CUL9: variants seen among roughly 807,000 people sequenced by gnomAD.
CUL9 encodes cullin-9.
CUL9 carries 79 observed loss-of-function variants against 272.6 expected under a neutral mutation model. The observed-to-expected ratio is 0.29, with a 90% CI of 0.24 to 0.35. CUL9 has a LOEUF of 0.35. Ranked by LOEUF, CUL9 falls within the 10% of genes least tolerant of loss-of-function variation. CUL9 has a pLI of 1.00. For synonymous variants in CUL9, 1,186 were observed against 1,286.5 expected, an observed-to-expected ratio of 0.92 and a Z score of 1.67; for missense variants, 2,532 against 3,255.6, an observed-to-expected ratio of 0.78 and a Z score of 5.41.
chr6:43,183,837 C>T (rs1273471647), intron 1 of CUL9, among the ~76,000 whole-genome samples: 1 of 152,118 alleles, frequency 6.6e-6, no homozygotes, highest in Non-Finnish European at 1.5e-5. Context: ...ACTGCAACCT[C>T]CGCCTCCTGG....
chr6:43,198,698 C>T lies in CUL9; in HGVS notation c.2893C>T (p.Leu965=). ...LVGGPSAELL[L]DLERVLCREG... Reference sequence around the variant, plus strand: ...TGGGGGCCCATCTGCAGAACTACTCCTGGACTTGGAGCGTGTGCTGTGCCG... The same window carrying T: ...TGGGGGCCCATCTGCAGAACTACTCTTGGACTTGGAGCGTGTGCTGTGCCG... Residue 965 remains leucine (L), a synonymous_variant, in exon 12 of 41, where the codon CTG becomes TTG. Coordinates refer to ENST00000252050, the MANE Select transcript of CUL9 (RefSeq NM_015089.4). 6.2e-7 allele frequency: 1 copy of T among 1,614,180 alleles called. No individual in the cohort carries two copies. Among genetic ancestry groups the T allele is most frequent in the Non-Finnish European group, 8.5e-7 (1 of 1,180,020 alleles).
chr6:43,209,518 C>G (rs555837499), intron 26 of CUL9, among the ~76,000 whole-genome samples: 1 of 152,128 alleles, frequency 6.6e-6, no homozygotes, highest in Non-Finnish European at 1.5e-5. Flanking sequence ...CAGGATCAGT[C>G]TAGGATCACC....
intron 10 of CUL9, 141 bp from the exon 11 acceptor site, chr6:43,196,504 G>C (rs2150558470): frequency 1.1e-6 from 1 of 878,192 alleles, no homozygotes; most frequent in South Asian, 1.4e-5. Context: ...AGTGGCCCAA[G>C]GTCAGGGGAT....
In CUL9 at chr6:43,203,569, GC is replaced by G; in HGVS notation, c.4003del (p.Arg1335AlafsTer9). 6.2e-7 allele frequency: 1 copy of G among 1,613,644 alleles called. No individual in the cohort carries two copies. The highest frequency in any genetic ancestry group is 8.5e-7 in the Non-Finnish European group (1 of 1,180,004). ...WSRDIAEDHRRLLQLCPRLNR... is the reference protein window; with the variant it reads ...WSRDIAEDHRXLLQLCPRLNR... ...GCCGGGACATAGCAGAGGACCACCGGCGCCTCCTCCAGCTCTGTCCCAGGTG... is the reference window on the plus strand; with the variant it reads ...GCCGGGACATAGCAGAGGACCACCGGGCCTCCTCCAGCTCTGTCCCAGGTG... On this transcript the variant is annotated frameshift_variant, in exon 19 of 41. Transcript: ENST00000252050. LOFTEE classifies it high-confidence loss of function. This position sits in a 1 kb window ranked among gnomAD's most constrained non-coding sequence, Gnocchi z 5.0.
At chr6:43,209,685 G>A (rs766171006) in intron 26 of CUL9, among the ~76,000 whole-genome samples, 23 of 151,764 alleles carry the variant, frequency 1.5e-4, no homozygotes, top group Middle Eastern at 3.4e-3. Flanking sequence ...TTGCACTGTC[G>A]CCCAGACTGG....
rs752104064 is a variant in CUL9 at position 43,186,957 on chromosome 6, C to T, written c.1252-3C>T. 1 of 1,613,736 alleles carries T rather than the reference C, an allele frequency of 6.2e-7. No individual in the cohort carries two copies. The highest frequency in any genetic ancestry group is 8.5e-7 in the Non-Finnish European group (1 of 1,179,780). On this transcript the variant is annotated splice_region_variant and splice_polypyrimidine_tract_variant and intron_variant, in intron 4 of 40. Coordinates refer to ENST00000252050, the MANE Select transcript of CUL9 (RefSeq NM_015089.4). The stretch of plus-strand genomic sequence containing the variant: ...TGCTCTCTTTCTTCCTCCCTCATAC[C>T]AGGTTTTCTGGCAGTCGACAGGCCG...
chr6:43,193,973 G>GTA (rs1433456617), intron 9 of CUL9, among the ~76,000 whole-genome samples: 4 of 152,090 alleles, frequency 2.6e-5, no homozygotes, highest in African/African-American at 9.7e-5. Context: ...AAAATACTCT[G>GTA]TTACTAGATT....
At chr6:43,205,137 C>G in intron 23 of CUL9, 22 bp downstream of exon 23, 1 of 1,574,656 alleles carries the variant, frequency 6.4e-7, no homozygotes, top group South Asian at 1.2e-5. Flanking sequence ...CAGCTCCCCA[C>G]AGGGCTATAA....
At chr6:43,190,480 G>A (rs1773363229) in intron 8 of CUL9, among the ~76,000 whole-genome samples, 1 of 151,288 alleles carries the variant, frequency 6.6e-6, no homozygotes, top group Non-Finnish European at 1.5e-5. Flanking sequence ...TAATACATAT[G>A]GTAAAAAAGT....
At chr6:43,191,042 T>A (rs968412795) in intron 8 of CUL9, among the ~76,000 whole-genome samples, 18 of 152,214 alleles carry the variant, frequency 1.2e-4, no homozygotes, top group African/African-American at 4.1e-4. Context: ...TCAGCTTTTT[T>A]ATGGCTTCTA....
intron 26 of CUL9, among the ~76,000 whole-genome samples, chr6:43,210,701 T>G (rs1318782583): frequency 6.6e-6 from 1 of 152,192 alleles, no homozygotes; most frequent in Non-Finnish European, 1.5e-5. Flanking sequence ...GATGTCAATT[T>G]TAGCCTATTT....
At chr6:43,208,774 T>A (rs971295492) in intron 26 of CUL9, among the ~76,000 whole-genome samples, 8 of 152,240 alleles carry the variant, frequency 5.3e-5, no homozygotes, top group African/African-American at 1.4e-4. Context: ...TACCTTTTTT[T>A]AAATTATGGT....
At position 43,184,366 on chromosome 6, in the gene CUL9, A is replaced by G. The variant is rs1370274614; in HGVS notation, c.56A>G (p.Gln19Arg). 1.3e-6 allele frequency: 2 copies of G among 1,596,620 alleles called. No individual in the cohort carries two copies. Among genetic ancestry groups the G allele is most frequent in the Admixed American group, 1.7e-5 (1 of 58,800 alleles). ...DLMVPLGPRL[Q>R]AYPEELIRQR... is the part of the protein sequence containing the mutation. ...ATGGTGCCCTTAGGGCCTCGGCTGCAGGCATATCCTGAAGAACTCATTCGA... is the reference window on the plus strand; with the variant it reads ...ATGGTGCCCTTAGGGCCTCGGCTGCGGGCATATCCTGAAGAACTCATTCGA... Residue 19 changes from glutamine to arginine, a missense_variant, in exon 2 of 41, where the codon CAG (glutamine) becomes CGG (arginine). Gln to Arg is a conservative substitution (Grantham distance 43, BLOSUM62 1). Transcript: ENST00000252050. This position sits in a 1 kb window ranked among gnomAD's most constrained non-coding sequence, Gnocchi z 4.8.
In CUL9 at chr6:43,221,528, A is replaced by G. The variant is rs1776366940; in HGVS notation, c.6753-157A>G. 1.2e-6 allele frequency: 1 copy of G among 869,236 alleles called. No homozygotes were observed. The highest frequency in any genetic ancestry group is 1.7e-6 in the Non-Finnish European group (1 of 572,034). The allele number at this position is 869,236 out of a possible 1,614,324, so 53.8% of individuals were successfully genotyped here. ...TCCACACTGACTGGGGGAGTTCAAA[A>G]GCAGAGGTGCATTCAGCAGGGCTGG... On this transcript the variant is annotated intron_variant, in intron 34 of 40. Transcript: ENST00000252050. This position sits in a 1 kb window ranked among gnomAD's most constrained non-coding sequence, Gnocchi z 4.2.
rs761300039 is a variant in CUL9, at chr6:43,220,866, C to T, written c.6543C>T (p.Cys2181=). 1 of 1,613,632 alleles carries T rather than the reference C, an allele frequency of 6.2e-7. No individual in the cohort carries two copies. Among genetic ancestry groups the T allele is most frequent in the Non-Finnish European group, 8.5e-7 (1 of 1,179,908 alleles). Residue 2181 remains cysteine (C), a synonymous_variant, in exon 33 of 41, where the codon TGC becomes TGT. Transcript: ENST00000252050. The surrounding 1 kb of genome is among the most constrained non-coding windows in gnomAD (Gnocchi z 4.9). ...AGGGCCTGGGCTGTGGGACCACCTG[C>T]TCCAAGTGTGGCTGGGCCTCTTGCT... ...CRQGLGCGTT[C]SKCGWASCFN... is the part of the protein sequence containing the mutation.
rs1772707402 is a variant in CUL9 at position 43,184,185 on chromosome 6, T to G, written c.-9-117T>G. On this transcript the variant is annotated intron_variant, in intron 1 of 40. Transcript: ENST00000252050. This position sits in a 1 kb window ranked among gnomAD's most constrained non-coding sequence, Gnocchi z 4.8. ...TGCCTTTTCTGTTTGGCCTCCTAAA[T>G]TCTACCATGCAGCCTACCGATCACC... is the stretch of plus-strand genomic sequence containing the variant. 1 of 690,362 alleles carries G rather than the reference T, an allele frequency of 1.4e-6. No homozygotes were observed. Among genetic ancestry groups the G allele is most frequent in the South Asian group, 3.9e-5 (1 of 25,340 alleles). 42.8% of individuals were successfully genotyped at this position (690,362 alleles called of 1,614,324 possible).
intron 9 of CUL9, among the ~76,000 whole-genome samples, chr6:43,194,706 A>G (rs1254032416): frequency 6.6e-6 from 1 of 152,140 alleles, no homozygotes; most frequent in East Asian, 1.9e-4. Context: ...GATCCTCTCA[A>G]ATTACGTGAC....
rs757485610 is a variant in CUL9 at position 43,204,779 on chromosome 6, C to G, written c.4371C>G (p.Ser1457Arg). The change falls in exon 22 of 41, where the codon AGC (serine) becomes AGG (arginine). Residue 1457 changes from serine (S) to arginine (R), a missense_variant. Transcript: ENST00000252050. ...FSKNSKGRDR[S>R]PAPSPVLPSS... The stretch of plus-strand genomic sequence containing the variant: ...AGAACAGCAAGGGTCGGGACCGGAG[C>G]CCGGCGCCTTCGCCAGTGCTTCCAA... The G allele has an allele frequency of 5.6e-6, 9 of 1,614,214 alleles. No homozygotes were observed. The highest frequency in any genetic ancestry group is 7.6e-6 in the Non-Finnish European group (9 of 1,180,038).
intron 8 of CUL9, among the ~76,000 whole-genome samples, chr6:43,190,035 C>T (rs1034958497): frequency 2.0e-5 from 3 of 151,060 alleles, no homozygotes; most frequent in African/African-American, 4.9e-5. Flanking sequence ...TTTTTGCCCC[C>T]GCTCAGTGTC....
Sources: allele counts gnomAD v4.1 joint callset (sites outside exome capture counted in the v4.1 genomes callset), GRCh38; gene constraint gnomAD v4.1.1; non-coding constraint Gnocchi (gnomAD v3.1); transcripts MANE v1.5; gene names NCBI Gene and HGNC (gene_info 2026-07-23, HGNC 2026-07-21).